ABHD18: variants seen among roughly 807,000 people sequenced by gnomAD.
The protein encoded by ABHD18 is cardiolipin-specific deacylase, mitochondrial.
A neutral mutation model predicts 65.9 loss-of-function variants in ABHD18; 55 were observed. That is an observed-to-expected ratio of 0.84 (90% CI 0.67 to 1.05). The LOEUF is 1.05. Among genes scored for constraint, ABHD18 ranks in the 50% least tolerant of loss-of-function variants. The pLI is 0.00. For missense variants in ABHD18, 533 were observed against 558.5 expected (o/e 0.95, Z 0.46); for synonymous variants, 181 against 180.2 (o/e 1.00, Z -0.04).
At chr4:127,988,842 AC>A (rs1174435191) in intron 3 of ABHD18, among the ~76,000 whole-genome samples, 1 of 152,222 alleles carries the variant, frequency 6.6e-6, no homozygotes, top group African/African-American at 2.4e-5. Context: ...GTAAGTTAGT[AC>A]GACCACTGCG....
At chr4:127,995,686 G>A (rs1035872531) in intron 4 of ABHD18, among the ~76,000 whole-genome samples, 3 of 152,072 alleles carry the variant, frequency 2.0e-5, no homozygotes, top group Non-Finnish European at 4.4e-5. Context: ...ATATAAGTAT[G>A]TAACTAAGTA....
chr4:127,985,377 T>C (rs558208310), intron 3 of ABHD18, among the ~76,000 whole-genome samples: 23 of 151,354 alleles, frequency 1.5e-4, no homozygotes, highest in Non-Finnish European at 2.6e-4. Context: ...TACTTGCATC[T>C]CATATGTTTT....
intron 1 of ABHD18, among the ~76,000 whole-genome samples, chr4:127,972,174 C>T (rs1224235257): frequency 6.6e-6 from 1 of 152,154 alleles, no homozygotes; most frequent in Non-Finnish European, 1.5e-5. Flanking sequence ...ACTACCTGGC[C>T]TCTTCCTATG....
intron 3 of ABHD18, among the ~76,000 whole-genome samples, chr4:127,989,512 G>GT (rs1750562925): frequency 6.6e-6 from 1 of 152,102 alleles, no homozygotes; most frequent in African/African-American, 2.4e-5. Context: ...TCGTATGCCT[G>GT]TATCAAAACA....
Position 128,011,692 on chromosome 4 carries a change from G to A in ABHD18, c.462G>A (p.Lys154=). The A allele has an allele frequency of 1.9e-6, 3 of 1,549,098 alleles. No homozygotes were observed. The highest frequency in any genetic ancestry group is 2.6e-6 in the Non-Finnish European group (3 of 1,146,008). Residue 154 remains lysine (K), a synonymous_variant, in exon 7 of 13, where the codon AAG becomes AAA. Coordinates refer to ENST00000645843, the MANE Select transcript of ABHD18 (RefSeq NM_001358451.3). Reference sequence around the variant, plus strand: ...TCTTAAATGGCTGCAGGAAACCCAAGGACCAAGTGTAAGTATATATCACTT... The same window carrying A: ...TCTTAAATGGCTGCAGGAAACCCAAAGACCAAGTGTAAGTATATATCACTT... ...ENPYYGCRKP[K]DQVRSSLKNV...
intron 4 of ABHD18, among the ~76,000 whole-genome samples, chr4:127,991,352 G>A (rs1302236139): frequency 3.3e-5 from 5 of 152,028 alleles, no homozygotes; most frequent in Non-Finnish European, 7.4e-5. Flanking sequence ...GCAGTCTCCG[G>A]AGTAGTTGGG....
rs1286865615 is a variant in ABHD18 at position 127,989,721 on chromosome 4, A to G, written c.178A>G (p.Ile60Val). The change falls in exon 4 of 13, where the codon ATT becomes GTT. Residue 60 changes from isoleucine (I) to valine (V), a missense_variant and splice_region_variant. Transcript: ENST00000645843. ...SSDYPVHIDKIEEQSDCKILD... is the reference protein window; with the variant it reads ...SSDYPVHIDKVEEQSDCKILD... ...CATCTTGGTTTTGATTTTCTTTTAG[A>G]TTGAAGAGCAATCAGATTGTAAGAT... 6.4e-7 allele frequency: 1 copy of G among 1,571,558 alleles called. No individual in the cohort carries two copies. The highest frequency in any genetic ancestry group is 1.4e-5 in the African/African-American group (1 of 74,072).
At chr4:128,032,966 TG>T (rs1758415514) in intron 12 of ABHD18, among the ~76,000 whole-genome samples, 1 of 151,330 alleles carries the variant, frequency 6.6e-6, no homozygotes, top group South Asian at 2.1e-4. Context: ...AATTATCCAG[TG>T]GGTGGGCCGG....
At position 128,039,165 on chromosome 4, in the gene ABHD18, A is replaced by G. The variant is rs1045052961; in HGVS notation, c.*3352A>G. 5.8e-5 allele frequency: 8 copies of G among 137,902 alleles called. No individual in the cohort carries two copies. Among genetic ancestry groups the G allele is most frequent in the African/African-American group, 2.3e-4 (8 of 34,450 alleles). 8.5% of individuals were successfully genotyped at this position (137,902 alleles called of 1,614,324 possible). Reference sequence around the variant, plus strand: ...TATGCATATATATATATATATATATATATATATATATATATATATAATCTC... The same window carrying G: ...TATGCATATATATATATATATATATGTATATATATATATATATATAATCTC... On this transcript the variant is annotated 3_prime_UTR_variant, in exon 13 of 13. Transcript: ENST00000645843.
intron 1 of ABHD18, among the ~76,000 whole-genome samples, chr4:127,978,947 C>T (rs1477710007): frequency 6.6e-6 from 1 of 152,116 alleles, no homozygotes; most frequent in Non-Finnish European, 1.5e-5. Flanking sequence ...CTAAATGTTC[C>T]TCAGTTTATG....
intron 4 of ABHD18, among the ~76,000 whole-genome samples, chr4:128,005,412 C>T (rs1258824349): frequency 6.6e-6 from 1 of 152,122 alleles, no homozygotes; most frequent in Non-Finnish European, 1.5e-5. Flanking sequence ...TTGCTATTGC[C>T]ATCATGCCAG....
At chr4:128,027,232 G>A (rs1241779956) in intron 10 of ABHD18, among the ~76,000 whole-genome samples, 13 of 152,040 alleles carry the variant, frequency 8.6e-5, no homozygotes, top group Admixed American at 7.2e-4. Flanking sequence ...CAGCTATACC[G>A]TCTAGATTTA....
chr4:128,023,865 C>A (rs112771101), intron 10 of ABHD18, among the ~76,000 whole-genome samples: 70 of 152,304 alleles, frequency 4.6e-4, no homozygotes, highest in Non-Finnish European at 7.5e-4. Flanking sequence ...GCCTGGGCAA[C>A]AGAGCGAGAC....
chr4:128,019,604 A>G (rs1335975654), intron 8 of ABHD18, among the ~76,000 whole-genome samples: 1 of 152,182 alleles, frequency 6.6e-6, no homozygotes, highest in Non-Finnish European at 1.5e-5. Context: ...CAAAAGGGAG[A>G]GTGATTTTAC....
At chr4:127,972,847 AGTTT>A (rs1399135604) in intron 1 of ABHD18, among the ~76,000 whole-genome samples, 2 of 152,152 alleles carry the variant, frequency 1.3e-5, no homozygotes, top group Admixed American at 1.3e-4. Context: ...TTCAGAAGTT[AGTTT>A]GCCTTTTACC....
chr4:127,973,007 A>G (rs116679620), intron 1 of ABHD18, among the ~76,000 whole-genome samples: 4,431 of 151,304 alleles, frequency 0.029, 201 homozygotes, highest in African/African-American at 0.1. Context: ...TACCCTCCCC[A>G]CTCGTTTCCT....
rs1264600971 is a variant in ABHD18, at chr4:128,036,964, A to G, written c.*1151A>G. The G allele has an allele frequency of 6.6e-6, 1 of 151,714 alleles. No individual in the cohort carries two copies. The highest frequency in any genetic ancestry group is 1.9e-4 in the East Asian group (1 of 5,130). The allele number at this position is 151,714 out of a possible 1,614,324, so 9.4% of individuals were successfully genotyped here. A position where few individuals can be genotyped will look rare whatever the true frequency, so the allele number is the denominator to read the frequency against. On this transcript the variant is annotated 3_prime_UTR_variant, in exon 13 of 13. Coordinates refer to ENST00000645843, the MANE Select transcript of ABHD18 (RefSeq NM_001358451.3). ...AAACCCCATGTCTACTAAAAGTACA[A>G]AAAAATTAGCCGGGCATTGTGGCGT...
At chr4:127,979,915 C>CAAAAAAAAAAA (rs59944314) in intron 1 of ABHD18, among the ~76,000 whole-genome samples, 1 of 66,548 alleles carries the variant, frequency 1.5e-5, no homozygotes, top group Admixed American at 1.7e-4. Context: ...GACTCCATCT[C>CAAAAAAAAAAA]AAAAAAAAAA....
intron 10 of ABHD18, among the ~76,000 whole-genome samples, chr4:128,027,608 G>A (rs1757573638): frequency 6.6e-6 from 1 of 152,114 alleles, no homozygotes; most frequent in Non-Finnish European, 1.5e-5. Context: ...GTTTTGCCAT[G>A]TTGGCCAGGA....
Sources: allele counts gnomAD v4.1 joint callset (sites outside exome capture counted in the v4.1 genomes callset), GRCh38; gene constraint gnomAD v4.1.1; transcripts MANE v1.5; gene names NCBI Gene and HGNC (gene_info 2026-07-23, HGNC 2026-07-21).